The following GRIK2 variants were observed in gnomAD, a reference collection of about 807,000 sequenced individuals.
The protein encoded by GRIK2 is glutamate ionotropic receptor kainate type subunit 2, also known as glutamate receptor ionotropic, kainate 2.
A neutral mutation model predicts 100.3 loss-of-function variants in GRIK2; 32 were observed. The observed-to-expected ratio is 0.32, with a 90% CI of 0.24 to 0.43. The LOEUF is 0.43. Ranked by LOEUF, GRIK2 falls within the 20% of genes least tolerant of loss-of-function variation. GRIK2 has a pLI of 1.00. For synonymous variants in GRIK2, 417 were observed against 389.4 expected (o/e 1.07, Z -0.83); for missense variants, 843 against 1,114.9 (o/e 0.76, Z 3.47).
chr6:101,790,938 G>T (rs1346132369), intron 7 of GRIK2, among the ~76,000 whole-genome samples: 1 of 152,124 alleles, frequency 6.6e-6, no homozygotes, highest in Non-Finnish European at 1.5e-5. Context: ...AGTCTTGGGA[G>T]GGTGTATATG....
intron 14 of GRIK2, among the ~76,000 whole-genome samples, chr6:102,030,331 T>C (rs1769919609): frequency 6.6e-6 from 1 of 151,426 alleles, no homozygotes; most frequent in South Asian, 2.1e-4. Context: ...CTTCAATCTT[T>C]TAAAATCTTA....
intron 7 of GRIK2, among the ~76,000 whole-genome samples, chr6:101,692,169 C>G (rs2128347605): frequency 6.6e-6 from 1 of 151,002 alleles, no homozygotes; most frequent in South Asian, 2.1e-4. Flanking sequence ...CTGCTATTTG[C>G]TTGTCTTAAT....
At chr6:101,912,538 G>A (rs572336047) in intron 12 of GRIK2, among the ~76,000 whole-genome samples, 361 of 151,540 alleles carry the variant, frequency 2.4e-3, no homozygotes, top group Non-Finnish European at 3.9e-3. Context: ...GCTTCTCTTC[G>A]TGCACATTTA....
At chr6:101,839,046 T>TTTTGTTTG in intron 10 of GRIK2, among the ~76,000 whole-genome samples, 1 of 151,990 alleles carries the variant, frequency 6.6e-6, no homozygotes, top group African/African-American at 2.4e-5. Context: ...CCTGCACCAG[T>TTTTGTTTG]TTTGTTTGTT....
chr6:101,495,458 A>T (rs989252908), intron 2 of GRIK2, among the ~76,000 whole-genome samples: 1 of 152,234 alleles, frequency 6.6e-6, no homozygotes, highest in Middle Eastern at 3.4e-3. Flanking sequence ...GTGAGCCAAG[A>T]TCTTGCCACT....
intron 2 of GRIK2, among the ~76,000 whole-genome samples, chr6:101,556,475 T>C (rs1469388171): frequency 6.6e-6 from 1 of 151,672 alleles, no homozygotes; most frequent in Non-Finnish European, 1.5e-5. Context: ...ATATTGGTAA[T>C]TTTTAAAAAA....
intron 2 of GRIK2, among the ~76,000 whole-genome samples, chr6:101,416,019 T>C (rs1355774293): frequency 6.6e-6 from 1 of 152,226 alleles, no homozygotes; most frequent in African/African-American, 2.4e-5. Context: ...AATCATTTAA[T>C]TAATTTCACC....
chr6:101,924,724 A>G lies in GRIK2; in HGVS notation c.1867+5A>G, dbSNP rs1426205129. ...TTGGAGCTCTCATGCAGCAAGGTAT[A>G]CGATTCAGCCTGCTATTTCCTTTGG... is the stretch of plus-strand genomic sequence containing the variant. On this transcript the variant is annotated splice_donor_5th_base_variant and intron_variant, in intron 13 of 16. Transcript: ENST00000369134. 6.6e-7 allele frequency: 1 copy of G among 1,519,582 alleles called. No individual in the cohort carries two copies. The highest frequency in any genetic ancestry group is 9.1e-7 in the Non-Finnish European group (1 of 1,093,730). 94.1% of individuals were successfully genotyped at this position (1,519,582 alleles called of 1,614,324 possible).
intron 3 of GRIK2, among the ~76,000 whole-genome samples, 159 bp from the exon 4 acceptor site, chr6:101,626,221 C>T (rs998946671): frequency 2.2e-4 from 33 of 152,110 alleles, no homozygotes; most frequent in African/African-American, 7.5e-4. Context: ...TGTTCAGAGT[C>T]AGACAAAATT....
At chr6:101,635,082 A>G (rs1780939988) in intron 4 of GRIK2, among the ~76,000 whole-genome samples, 1 of 152,148 alleles carries the variant, frequency 6.6e-6, no homozygotes, top group South Asian at 2.1e-4. Flanking sequence ...TATGAAGCAT[A>G]CAATCAAATA....
intron 14 of GRIK2, among the ~76,000 whole-genome samples, chr6:102,008,257 G>A (rs1795344985): frequency 6.6e-6 from 1 of 152,080 alleles, no homozygotes; most frequent in East Asian, 1.9e-4. Context: ...GAGAAAGCAT[G>A]CTTTTTAGAA....
chr6:101,660,704 G>C (rs918574289), intron 4 of GRIK2, among the ~76,000 whole-genome samples: 18 of 152,118 alleles, frequency 1.2e-4, no homozygotes, highest in East Asian at 5.8e-4. Flanking sequence ...CTTTCTGTTT[G>C]TTAGTTTTCC....
At chr6:101,599,480 G>T (rs1214246810) in intron 2 of GRIK2, among the ~76,000 whole-genome samples, 2 of 151,514 alleles carry the variant, frequency 1.3e-5, no homozygotes, top group African/African-American at 4.8e-5. Flanking sequence ...TTAGTTTTTT[G>T]AGAAATCTTT....
In GRIK2 at chr6:101,802,313, G is replaced by T; in HGVS notation, c.1096-18G>T. The T allele has an allele frequency of 9.3e-7, 1 of 1,076,608 alleles. No individual in the cohort carries two copies. Among genetic ancestry groups the T allele is most frequent in the African/African-American group, 1.6e-5 (1 of 62,416 alleles). 66.7% of individuals were successfully genotyped at this position (1,076,608 alleles called of 1,614,324 possible). A position where few individuals can be genotyped will look rare whatever the true frequency, so the allele number is the denominator to read the frequency against. The stretch of plus-strand genomic sequence containing the variant: ...CTTTCTTCACTTATTTATTATCAAT[G>T]TTTTTCTATTCCCATAGGCACATTG... On this transcript the variant is annotated intron_variant, in intron 8 of 16. Transcript: ENST00000369134.
intron 2 of GRIK2, among the ~76,000 whole-genome samples, chr6:101,570,226 C>T (rs1777466789): frequency 6.6e-6 from 1 of 152,004 alleles, no homozygotes; most frequent in Admixed American, 6.6e-5. Flanking sequence ...ATTTACTTTT[C>T]TATCTGGTAA....
At chr6:101,713,624 T>G (rs1773865178) in intron 7 of GRIK2, among the ~76,000 whole-genome samples, 1 of 151,836 alleles carries the variant, frequency 6.6e-6, no homozygotes, top group South Asian at 2.1e-4. Context: ...CCATTCCAGC[T>G]CAGTCTAAGT....
rs796337981 is a variant in GRIK2 at position 101,585,209 on chromosome 6, G to A, written c.116-36740G>A. Among the ~76,000 whole-genome samples, 23 of 152,038 alleles carry A rather than the reference G, an allele frequency of 1.5e-4. 1 individual carries two copies. Among genetic ancestry groups the A allele is most frequent in the East Asian group, 7.8e-4 (4 of 5,154 alleles). ...GATAGACGTTTGGTCAAAAGTTATCGAATTTTCAAAATCATTTGTTGCTAT... is the reference window on the plus strand; with the variant it reads ...GATAGACGTTTGGTCAAAAGTTATCAAATTTTCAAAATCATTTGTTGCTAT... On this transcript the variant is annotated intron_variant, in intron 2 of 16. Transcript: ENST00000369134.
rs1393054755 is a variant in GRIK2, at chr6:101,928,703, T to C, written c.2085+71T>C. On this transcript the variant is annotated intron_variant, in intron 14 of 16. Transcript: ENST00000369134. ...GCGCAAACTTCTCTCGATTCACAAA[T>C]GTAAGAGTGTAACAACGCCATTATT... is the stretch of plus-strand genomic sequence containing the variant. The C allele has an allele frequency of 3.9e-6, 3 of 770,156 alleles. No homozygotes were observed. The Admixed American group carries it at 5.5e-5, about 14-fold the overall frequency. The allele number at this position is 770,156 out of a possible 1,614,324, so 47.7% of individuals were successfully genotyped here.
At chr6:101,971,821 C>T (rs1239839619) in intron 14 of GRIK2, among the ~76,000 whole-genome samples, 1 of 151,900 alleles carries the variant, frequency 6.6e-6, no homozygotes, top group Non-Finnish European at 1.5e-5. Flanking sequence ...AAGTTTAGCT[C>T]TCAGTCATCA....
Sources: gnomAD v4.1 joint callset for allele counts (sites outside exome capture counted in the v4.1 genomes callset) on GRCh38, gnomAD v4.1.1 for gene constraint, MANE v1.5 for transcripts, NCBI Gene and HGNC (gene_info 2026-07-23, HGNC 2026-07-21) for gene names.